The following PLG variants were observed in gnomAD, a reference collection of about 807,000 sequenced individuals.
PLG encodes plasminogen.
PLG carries 41 observed loss-of-function variants against 104.4 expected under a neutral mutation model. The ratio of observed to expected loss-of-function variants is 0.39; its 90% CI spans 0.31 to 0.51. The LOEUF (loss-of-function observed/expected upper bound fraction) is 0.51, where lower values mean the gene tolerates loss of function less well. Ranked by LOEUF, PLG falls within the 20% of genes least tolerant of loss-of-function variation. The pLI, the probability that PLG is intolerant of heterozygous loss-of-function variation, is 0.76. For missense variants in PLG, 891 were observed against 1,003.6 expected (o/e 0.89, Z 1.52); for synonymous variants, 337 against 357.1 (o/e 0.94, Z 0.63).
intron 1 of PLG, among the ~76,000 whole-genome samples, chr6:160,702,772 G>A (rs1450113456): frequency 3.3e-5 from 5 of 152,126 alleles, no homozygotes; most frequent in South Asian, 2.1e-4. Flanking sequence ...AATATATTCC[G>A]TTCTCTCACC....
intron 1 of PLG, among the ~76,000 whole-genome samples, chr6:160,704,900 T>C (rs1777489155): frequency 6.6e-6 from 1 of 152,216 alleles, no homozygotes; most frequent in African/African-American, 2.4e-5. Context: ...GTTCATTTGC[T>C]TTCCTACTGG....
intron 17 of PLG, among the ~76,000 whole-genome samples, chr6:160,745,081 T>C (rs888272965): frequency 2.0e-5 from 3 of 152,186 alleles, no homozygotes; most frequent in South Asian, 2.1e-4. Flanking sequence ...AATTATGTGG[T>C]TGATTTTTAG....
intron 17 of PLG, among the ~76,000 whole-genome samples, chr6:160,749,903 G>GCCACCACCATCATGA (rs149258451): frequency 0.58 from 85,133 of 147,002 alleles, 24,668 homozygotes; most frequent in East Asian, 0.98. Flanking sequence ...TTCCACCACT[G>GCCACCACCATCATGA]CCACCACCAC....
At chr6:160,709,582 C>A (rs1245167263) in intron 3 of PLG, among the ~76,000 whole-genome samples, 1 of 152,222 alleles carries the variant, frequency 6.6e-6, no homozygotes, top group Non-Finnish European at 1.5e-5. Context: ...CACCCTCCTG[C>A]CTGGGACCCT....
In PLG at chr6:160,752,798, A is replaced by G; in HGVS notation, c.2272-102A>G. 7.3e-7 allele frequency: 1 copy of G among 1,374,882 alleles called. No individual in the cohort carries two copies. Among genetic ancestry groups the G allele is most frequent in the Non-Finnish European group, 1.0e-6 (1 of 964,728 alleles). 85.2% of individuals were successfully genotyped at this position (1,374,882 alleles called of 1,614,324 possible). ...TGCTCATAAGTTCCTTTCTGATTTC[A>G]ATTACTGGGAAAATGTATATATGGA... On this transcript the variant is annotated intron_variant, in intron 18 of 18. Transcript: ENST00000308192. This position sits in a 1 kb window ranked among gnomAD's most constrained non-coding sequence, Gnocchi z 4.7.
In PLG at chr6:160,702,908, T is replaced by C. The variant is rs1371146986; in HGVS notation, c.49+555T>C. Among the ~76,000 whole-genome samples, 4 of 150,514 alleles carry C rather than the reference T, an allele frequency of 2.7e-5. No individual in the cohort carries two copies. In the East Asian group the frequency reaches 5.8e-4, roughly 22 times the overall value. ...AAATCACACGCATCCATTTGCCAGA[T>C]GCTGTGTGCAGATAGTGATCAACAA... On this transcript the variant is annotated intron_variant, in intron 1 of 18. Transcript: ENST00000308192.
Position 160,718,366 on chromosome 6 carries a change from T to G in PLG, c.860T>G (p.Val287Gly). ...KGTGENYRGN[V>G]AVTVSGHTCQ... ...ACAGGTGAAAACTATCGCGGGAATG[T>G]GGCTGTTACCGTGTCCGGGCACACC... is the stretch of plus-strand genomic sequence containing the variant. The change falls in exon 8 of 19, where the codon GTG becomes GGG. Residue 287 changes from valine (V) to glycine (G), a missense_variant. Val to Gly is a moderately radical substitution (Grantham distance 109). Transcript: ENST00000308192. The G allele has an allele frequency of 1.2e-6, 2 of 1,613,508 alleles. No individual in the cohort carries two copies. Among genetic ancestry groups the G allele is most frequent in the Non-Finnish European group, 1.7e-6 (2 of 1,179,374 alleles).
chr6:160,717,784 T>C (rs905497059), intron 7 of PLG, among the ~76,000 whole-genome samples: 1 of 152,068 alleles, frequency 6.6e-6, no homozygotes, highest in African/African-American at 2.4e-5. Context: ...TCTGAAGGAG[T>C]TCCTTGTGAA....
Position 160,719,850 on chromosome 6 carries a change from A to G in PLG, c.1096+1012A>G, listed in dbSNP as rs1001981888. ...TTACTTCTACTATGTCACAGATCTC[A>G]CAATACATTGACACTATTTTTGCCC... On this transcript the variant is annotated intron_variant, in intron 9 of 18. Coordinates refer to ENST00000308192, the MANE Select transcript of PLG (RefSeq NM_000301.5). This position sits in a 1 kb window ranked among gnomAD's most constrained non-coding sequence, Gnocchi z 4.1. Among the ~76,000 whole-genome samples, 1 of 152,112 alleles carries G rather than the reference A, an allele frequency of 6.6e-6. No individual in the cohort carries two copies. Among genetic ancestry groups the G allele is most frequent in the African/African-American group, 2.4e-5 (1 of 41,368 alleles).
Position 160,723,917 on chromosome 6 carries a change from C to T in PLG, c.1256+1350C>T, listed in dbSNP as rs1482511890. ...ATTAGTGTATTCCTATAATAAAGGC[C>T]ACTCCAGAAACAGCATAGTAAAGCT... On this transcript the variant is annotated intron_variant, in intron 10 of 18. Transcript: ENST00000308192. This position sits in a 1 kb window ranked among gnomAD's most constrained non-coding sequence, Gnocchi z 4.7. 2.0e-5 allele frequency among the ~76,000 whole-genome samples: 3 copies of T among 152,072 alleles called. No homozygotes were observed. Among genetic ancestry groups the T allele is most frequent in the African/African-American group, 7.2e-5 (3 of 41,382 alleles).
In PLG at chr6:160,744,649, T is replaced by C. The variant is rs1778249384; in HGVS notation, c.2125+3232T>C. ...GATCTTTTGAATGAATTTTCATGTCTTGACTTTCTTCAGTTCAGCTCTGAT... is the reference window on the plus strand; with the variant it reads ...GATCTTTTGAATGAATTTTCATGTCCTGACTTTCTTCAGTTCAGCTCTGAT... On this transcript the variant is annotated intron_variant, in intron 17 of 18. Coordinates refer to ENST00000308192, the MANE Select transcript of PLG (RefSeq NM_000301.5). This position sits in a 1 kb window ranked among gnomAD's most constrained non-coding sequence, Gnocchi z 4.5. Among the ~76,000 whole-genome samples the C allele has an allele frequency of 1.3e-5, 2 of 152,212 alleles. No homozygotes were observed. Among genetic ancestry groups the C allele is most frequent in the Non-Finnish European group, 2.9e-5 (2 of 68,036 alleles).
At chr6:160,750,154 T>C (rs1489526505) in intron 17 of PLG, among the ~76,000 whole-genome samples, 1 of 152,234 alleles carries the variant, frequency 6.6e-6, no homozygotes, top group Non-Finnish European at 1.5e-5. Flanking sequence ...TGTTTCCAGA[T>C]GTTCCCTGAC....
Position 160,738,730 on chromosome 6 carries a change from C to T in PLG, c.1877+118C>T. On this transcript the variant is annotated intron_variant, in intron 15 of 18. Coordinates refer to ENST00000308192, the MANE Select transcript of PLG (RefSeq NM_000301.5). The surrounding 1 kb of genome is among the most constrained non-coding windows in gnomAD (Gnocchi z 6.8). ...CTCCCTTCCTTCTCTGGCTGTGACA[C>T]TAGGGACCAGGCCAGGGCAATTGGA... The T allele has an allele frequency of 3.7e-6, 3 of 806,972 alleles. No individual in the cohort carries two copies. The highest frequency in any genetic ancestry group is 6.5e-6 in the Non-Finnish European group (3 of 458,684). The allele number at this position is 806,972 out of a possible 1,614,324, so 50.0% of individuals were successfully genotyped here.
chr6:160,748,370 A>AAGAAAGAGAGAGAGAGAG (rs1554252953), intron 17 of PLG, among the ~76,000 whole-genome samples: 2 of 41,442 alleles, frequency 4.8e-5, no homozygotes, highest in Admixed American at 3.5e-4. Context: ...GAAAGAAAGA[A>AAGAAAGAGAGAGAGAGAG]AGAAAGAAAG....
chr6:160,738,576 C>A lies in PLG; in HGVS notation c.1841C>A (p.Pro614Gln). 6.2e-7 allele frequency: 1 copy of A among 1,612,046 alleles called. No homozygotes were observed. Among genetic ancestry groups the A allele is most frequent in the Non-Finnish European group, 8.5e-7 (1 of 1,178,068 alleles). ...TTCTGTGGAGGCACCTTGATATCCCCAGAGTGGGTGTTGACTGCTGCCCAC... is the reference window on the plus strand; with the variant it reads ...TTCTGTGGAGGCACCTTGATATCCCAAGAGTGGGTGTTGACTGCTGCCCAC... ...MHFCGGTLIS[P>Q]EWVLTAAHCL... Residue 614 changes from proline to glutamine, a missense_variant, in exon 15 of 19, where the codon CCA (proline) becomes CAA (glutamine). Pro to Gln is a moderately conservative substitution (Grantham distance 76, BLOSUM62 -1). Transcript: ENST00000308192. The surrounding 1 kb of genome is among the most constrained non-coding windows in gnomAD (Gnocchi z 6.8).
intron 1 of PLG, 68 bp downstream of exon 1, chr6:160,702,421 C>T: frequency 5.0e-6 from 7 of 1,387,960 alleles, no homozygotes; most frequent in Non-Finnish European, 6.0e-6. Context: ...AATACATATG[C>T]CATGGCTTTA....
In PLG at chr6:160,740,779, T is replaced by G. The variant is rs1429940885; in HGVS notation, c.2019-532T>G. On this transcript the variant is annotated intron_variant, in intron 16 of 18. Coordinates refer to ENST00000308192, the MANE Select transcript of PLG (RefSeq NM_000301.5). This position sits in a 1 kb window ranked among gnomAD's most constrained non-coding sequence, Gnocchi z 5.2. The stretch of plus-strand genomic sequence containing the variant: ...ATTTTGTTCAAGCAAAAGGCTTATT[T>G]CCAATCCTCTTTCATTTGGTATCAA... Among the ~76,000 whole-genome samples the G allele has an allele frequency of 6.6e-6, 1 of 152,222 alleles. No individual in the cohort carries two copies. The highest frequency in any genetic ancestry group is 1.5e-5 in the Non-Finnish European group (1 of 68,042).
chr6:160,723,028 T>C lies in PLG; in HGVS notation c.1256+461T>C, dbSNP rs944391078. Among the ~76,000 whole-genome samples, 7 of 151,656 alleles carry C rather than the reference T, an allele frequency of 4.6e-5. No homozygotes were observed. Among genetic ancestry groups the C allele is most frequent in the Non-Finnish European group, 1.0e-4 (7 of 67,956 alleles). ...ATGAATATATATACACACATATATA[T>C]GTATACATATGTGTGCATATATAAA... is the stretch of plus-strand genomic sequence containing the variant. On this transcript the variant is annotated intron_variant, in intron 10 of 18. Transcript: ENST00000308192. The surrounding 1 kb of genome is among the most constrained non-coding windows in gnomAD (Gnocchi z 4.7).
chr6:160,742,865 T>C (rs1239539497), intron 17 of PLG, among the ~76,000 whole-genome samples: 2 of 152,212 alleles, frequency 1.3e-5, no homozygotes, highest in Non-Finnish European at 2.9e-5. Flanking sequence ...CTTCTACATA[T>C]GGCTAGCCAG....
Sources: allele counts gnomAD v4.1 joint callset (sites outside exome capture counted in the v4.1 genomes callset), GRCh38; gene constraint gnomAD v4.1.1; non-coding constraint Gnocchi (gnomAD v3.1); transcripts MANE v1.5; gene names NCBI Gene and HGNC (gene_info 2026-07-23, HGNC 2026-07-21).